Variants in NRXN1 observed in about 807,000 individuals in gnomAD.
NRXN1 encodes neurexin 1.
NRXN1 carries 39 observed loss-of-function variants against 150.9 expected under a neutral mutation model. That is an observed-to-expected ratio of 0.26 (90% CI 0.20 to 0.34). The LOEUF is 0.34. NRXN1 is among the 10% of genes least tolerant of loss of function. The pLI is 1.00. For synonymous variants in NRXN1, 924 were observed against 757.0 expected (o/e 1.22, Z -3.62); for missense variants, 1,815 against 1,949.9 (o/e 0.93, Z 1.30).
intron 17 of NRXN1, among the ~76,000 whole-genome samples, chr2:50,392,911 G>A (rs2081823739): frequency 6.6e-6 from 1 of 152,030 alleles, no homozygotes; most frequent in Non-Finnish European, 1.5e-5. Flanking sequence ...CTGAGCCCAG[G>A]AGTCCAAGAC....
intron 5 of NRXN1, among the ~76,000 whole-genome samples, chr2:50,692,438 T>A (rs1459306243): frequency 6.6e-6 from 1 of 152,198 alleles, no homozygotes; most frequent in Admixed American, 6.6e-5. Context: ...GGTCAAAACA[T>A]TTCAGTCTGC....
intron 5 of NRXN1, among the ~76,000 whole-genome samples, chr2:50,882,169 C>T (rs1265195419): frequency 6.6e-6 from 1 of 151,954 alleles, no homozygotes; most frequent in Non-Finnish European, 1.5e-5. Context: ...CATTGCCTAA[C>T]ATTTCAAAAT....
chr2:49,929,426 T>C (rs554644224), intron 22 of NRXN1, among the ~76,000 whole-genome samples: 3 of 152,322 alleles, frequency 2.0e-5, no homozygotes, highest in South Asian at 2.1e-4. Context: ...ATAAGCTTCA[T>C]AGACTTTTTA....
chr2:49,986,269 G>C (rs1680894786), intron 21 of NRXN1, among the ~76,000 whole-genome samples: 1 of 152,030 alleles, frequency 6.6e-6, no homozygotes, highest in African/African-American at 2.4e-5. Flanking sequence ...AAACTCCAAA[G>C]ACATACATAT....
intron 5 of NRXN1, among the ~76,000 whole-genome samples, chr2:50,914,771 G>A (rs1684984055): frequency 6.6e-6 from 1 of 151,716 alleles, no homozygotes; most frequent in African/African-American, 2.4e-5. Flanking sequence ...AAAAATTAGT[G>A]TACTATGAGA....
rs189963749 is a variant in NRXN1, at chr2:50,051,623, A to T, written c.4128+1648T>A. On this transcript the variant is annotated intron_variant, in intron 21 of 22. Transcript: ENST00000401669. ...TAAATGGAGCTATTGGGCAAACATA[A>T]ATCTTTCTAAAGTCACAAGTCTTTA... Among the ~76,000 whole-genome samples, 233 of 152,222 alleles carry T rather than the reference A, an allele frequency of 1.5e-3. No individual in the cohort carries two copies. In the Middle Eastern group the frequency reaches 0.044, roughly 29 times the overall value.
chr2:50,104,563 A>G (rs192123520), intron 18 of NRXN1, among the ~76,000 whole-genome samples: 1 of 152,136 alleles, frequency 6.6e-6, no homozygotes, highest in African/African-American at 2.4e-5. Flanking sequence ...GATGATGATA[A>G]TGATGATGAT....
At chr2:50,757,650 A>G (rs1479899070) in intron 5 of NRXN1, among the ~76,000 whole-genome samples, 2 of 151,760 alleles carry the variant, frequency 1.3e-5, no homozygotes, top group East Asian at 3.9e-4. Flanking sequence ...CAGTAATAGT[A>G]ACACTGAATT....
At chr2:50,935,858 T>C (rs1688469670) in intron 2 of NRXN1, among the ~76,000 whole-genome samples, 1 of 152,162 alleles carries the variant, frequency 6.6e-6, no homozygotes, top group African/African-American at 2.4e-5. Flanking sequence ...ATAATAAAAA[T>C]TTATAATAGA....
intron 2 of NRXN1, among the ~76,000 whole-genome samples, chr2:51,003,799 C>T (rs1700359442): frequency 6.6e-6 from 1 of 151,900 alleles, no homozygotes; most frequent in African/African-American, 2.4e-5. Flanking sequence ...TAAACTGTTA[C>T]CAAACAAGAA....
intron 5 of NRXN1, among the ~76,000 whole-genome samples, chr2:50,643,260 G>C: frequency 6.6e-6 from 1 of 151,820 alleles, no homozygotes; most frequent in African/African-American, 2.4e-5. Flanking sequence ...TGTGTGGGCA[G>C]GCTATTTAAA....
intron 5 of NRXN1, among the ~76,000 whole-genome samples, chr2:50,766,638 A>G (rs1702414912): frequency 6.6e-6 from 1 of 152,044 alleles, no homozygotes; most frequent in Non-Finnish European, 1.5e-5. Flanking sequence ...ACAAAATGAT[A>G]CCAGTTAGTA....
chr2:50,289,914 C>T (rs905120622), intron 17 of NRXN1, among the ~76,000 whole-genome samples: 1 of 151,988 alleles, frequency 6.6e-6, no homozygotes, highest in African/African-American at 2.4e-5. Context: ...TTTAGAATTC[C>T]AAACCTCAAG....
intron 17 of NRXN1, among the ~76,000 whole-genome samples, chr2:50,386,243 CAGAGAT>C (rs2081317616): frequency 6.6e-6 from 1 of 152,022 alleles, no homozygotes; most frequent in African/African-American, 2.4e-5. Context: ...CTATATTTGA[CAGAGAT>C]AAAGTTAAAA....
At chr2:50,378,306 C>T (rs992189868) in intron 17 of NRXN1, among the ~76,000 whole-genome samples, 1 of 152,144 alleles carries the variant, frequency 6.6e-6, no homozygotes, top group African/African-American at 2.4e-5. Context: ...AGATAGTCTT[C>T]AACTTAAGAT....
intron 17 of NRXN1, among the ~76,000 whole-genome samples, chr2:50,270,016 C>A (rs1014793638): frequency 6.6e-6 from 1 of 152,022 alleles, no homozygotes; most frequent in Non-Finnish European, 1.5e-5. Context: ...AATTAAAAAG[C>A]CCTATCTGCA....
At chr2:49,933,167 A>C (rs1038562618) in intron 22 of NRXN1, among the ~76,000 whole-genome samples, 3 of 152,002 alleles carry the variant, frequency 2.0e-5, no homozygotes, top group Admixed American at 2.0e-4. Flanking sequence ...GCTCACTGCA[A>C]GCTCTGCCTC....
At chr2:50,317,419 C>T (rs1208540852) in intron 17 of NRXN1, among the ~76,000 whole-genome samples, 2 of 151,774 alleles carry the variant, frequency 1.3e-5, no homozygotes, top group East Asian at 3.9e-4. Flanking sequence ...AGATTTACAA[C>T]TAACTTTTCA....
intron 5 of NRXN1, among the ~76,000 whole-genome samples, chr2:50,730,627 T>C (rs989895746): frequency 1.3e-5 from 2 of 152,038 alleles, no homozygotes; most frequent in African/African-American, 4.8e-5. Context: ...TCTTCATTTT[T>C]TCGTCCACTT....
Sources: allele counts gnomAD v4.1 joint callset (sites outside exome capture counted in the v4.1 genomes callset), GRCh38; gene constraint gnomAD v4.1.1; transcripts MANE v1.5; gene names NCBI Gene and HGNC (gene_info 2026-07-23, HGNC 2026-07-21).